The following DLGAP2 variants were observed in gnomAD, a reference collection of about 807,000 sequenced individuals.
The protein encoded by DLGAP2 is DLG associated protein 2, also known as disks large-associated protein 2.
A neutral mutation model predicts 100.3 loss-of-function variants in DLGAP2; 26 were observed. The observed-to-expected ratio is 0.26, with a 90% CI of 0.19 to 0.36. The LOEUF is 0.36. Among genes scored for constraint, DLGAP2 ranks in the 10% least tolerant of loss-of-function variants. The pLI is 1.00. For synonymous variants in DLGAP2, 886 were observed against 630.1 expected (o/e 1.41, Z -6.08); for missense variants, 1,858 against 1,453.2 (o/e 1.28, Z -4.53).
At position 1,507,910 on chromosome 8, in the gene DLGAP2, C is replaced by T. The variant is rs184662714; in HGVS notation, c.172+6479C>T. 2.2e-3 allele frequency among the ~76,000 whole-genome samples: 320 copies of T among 148,486 alleles called. 1 individual carries two copies. The highest frequency in any genetic ancestry group is 7.9e-3 in the African/African-American group (303 of 38,170). On this transcript the variant is annotated intron_variant, in intron 4 of 14. Transcript: ENST00000637795. ...ACCTTCCTGCACTGCCCAATGGGAG[C>T]ATCGTGACCACACATTTTAGGAGAA...
At chr8:1,334,730 G>T (rs1465328311) in intron 3 of DLGAP2, among the ~76,000 whole-genome samples, 5 of 152,014 alleles carry the variant, frequency 3.3e-5, no homozygotes, top group African/African-American at 1.2e-4. Flanking sequence ...GCCTTCTGTA[G>T]CACCACATGG....
intron 4 of DLGAP2, among the ~76,000 whole-genome samples, chr8:1,503,429 C>T (rs560529318): frequency 1.3e-5 from 2 of 152,094 alleles, no homozygotes; most frequent in African/African-American, 4.8e-5. Context: ...CTTCTTGTTA[C>T]TGCATGTATC....
intron 1 of DLGAP2, among the ~76,000 whole-genome samples, chr8:777,044 T>G (rs2132617413): frequency 6.6e-6 from 1 of 152,122 alleles, no homozygotes; most frequent in Admixed American, 6.5e-5. Context: ...CTGTATTGGG[T>G]GCATATATAT....
chr8:1,233,978 C>A (rs530185061), intron 2 of DLGAP2, among the ~76,000 whole-genome samples: 29 of 152,108 alleles, frequency 1.9e-4, no homozygotes, highest in Non-Finnish European at 4.3e-4. Context: ...GGTCAATAGG[C>A]CTGCACTGGG....
At chr8:1,048,913 A>G (rs1400716794) in intron 2 of DLGAP2, among the ~76,000 whole-genome samples, 1 of 152,200 alleles carries the variant, frequency 6.6e-6, no homozygotes, top group African/African-American at 2.4e-5. Context: ...TATATTTAAA[A>G]CTGCATGAAC....
rs532605782 is a variant in DLGAP2, at chr8:858,617, C to G, written c.19-49295C>G. Among the ~76,000 whole-genome samples the G allele has an allele frequency of 5.4e-5, 8 of 148,928 alleles. No individual in the cohort carries two copies. In the South Asian group the frequency reaches 1.5e-3, roughly 28 times the overall value. ...TGTCACCGTGGGCACGTGTGTGATG[C>G]TGTCACCGTGGGCACGTGTGTGATG... is the stretch of plus-strand genomic sequence containing the variant. On this transcript the variant is annotated intron_variant, in intron 1 of 14. Transcript: ENST00000637795.
In DLGAP2 at chr8:1,254,051, G is replaced by A. The variant is rs537655916; in HGVS notation, c.74-4800G>A. ...GATCCATGTCTGAGTGAGCCGCCTCGTGAGGCTTCCAGTCCCTCCTGGGGG... is the reference window on the plus strand; with the variant it reads ...GATCCATGTCTGAGTGAGCCGCCTCATGAGGCTTCCAGTCCCTCCTGGGGG... On this transcript the variant is annotated intron_variant, in intron 2 of 14. Transcript: ENST00000637795. Among the ~76,000 whole-genome samples, 109 of 152,322 alleles carry A rather than the reference G, an allele frequency of 7.2e-4. No individual in the cohort carries two copies. In the Middle Eastern group the frequency reaches 0.01, roughly 14 times the overall value.
intron 2 of DLGAP2, among the ~76,000 whole-genome samples, chr8:1,011,142 C>T (rs750227439): frequency 1.3e-5 from 2 of 150,498 alleles, no homozygotes; most frequent in Non-Finnish European, 2.9e-5. Flanking sequence ...TCAGTCTACA[C>T]AGTGAGCTCT....
chr8:1,223,498 A>G (rs989379815), intron 2 of DLGAP2, among the ~76,000 whole-genome samples: 9 of 152,248 alleles, frequency 5.9e-5, no homozygotes, highest in African/African-American at 2.2e-4. Flanking sequence ...TAAAAGTTTA[A>G]AATATTAAAG....
At chr8:1,048,856 C>A (rs1802591712) in intron 2 of DLGAP2, among the ~76,000 whole-genome samples, 1 of 152,026 alleles carries the variant, frequency 6.6e-6, no homozygotes, top group African/African-American at 2.4e-5. Context: ...TACACTCTGA[C>A]TTTAAAATTC....
At chr8:1,603,964 C>G (rs1013716020) in intron 6 of DLGAP2, among the ~76,000 whole-genome samples, 3 of 152,114 alleles carry the variant, frequency 2.0e-5, no homozygotes, top group Admixed American at 1.3e-4. Flanking sequence ...ACCCCCACCT[C>G]CCCACATACC....
intron 1 of DLGAP2, among the ~76,000 whole-genome samples, chr8:868,838 C>A (rs978641203): frequency 6.6e-6 from 1 of 152,172 alleles, no homozygotes; most frequent in Admixed American, 6.5e-5. Context: ...GCAGGCTGGA[C>A]GCGTCAGGCA....
At chr8:1,032,048 C>T (rs995538942) in intron 2 of DLGAP2, among the ~76,000 whole-genome samples, 9 of 152,182 alleles carry the variant, frequency 5.9e-5, no homozygotes, top group African/African-American at 1.7e-4. Context: ...ATCTTCCATC[C>T]GGCTTATGAT....
intron 14 of DLGAP2, among the ~76,000 whole-genome samples, chr8:1,698,798 C>A (rs191127708): frequency 6.6e-6 from 1 of 151,626 alleles, no homozygotes; most frequent in East Asian, 2.0e-4. Flanking sequence ...GTAAGCCATG[C>A]ATGGGACTAG....
intron 2 of DLGAP2, among the ~76,000 whole-genome samples, chr8:1,176,853 C>T (rs976060402): frequency 6.6e-6 from 1 of 152,120 alleles, no homozygotes; most frequent in Non-Finnish European, 1.5e-5. Context: ...TCCACCCTCT[C>T]ATGGAGTAGC....
intron 2 of DLGAP2, among the ~76,000 whole-genome samples, chr8:908,646 G>C (rs1048610248): frequency 6.6e-6 from 1 of 152,188 alleles, no homozygotes; most frequent in African/African-American, 2.4e-5. Flanking sequence ...TTATCCTGTG[G>C]ATATGGATCT....
chr8:1,379,276 C>G (rs774798396), intron 3 of DLGAP2, among the ~76,000 whole-genome samples: 5 of 152,370 alleles, frequency 3.3e-5, no homozygotes, highest in East Asian at 1.9e-4. Context: ...GGCCCGAGGG[C>G]CACATCTTCG....
chr8:1,171,686 T>A (rs1295366382), intron 2 of DLGAP2, among the ~76,000 whole-genome samples: 1 of 152,180 alleles, frequency 6.6e-6, no homozygotes, highest in African/African-American at 2.4e-5. Context: ...ATCTGTTTTA[T>A]CAGAGACTAG....
At chr8:844,716 A>G (rs1487070149) in intron 1 of DLGAP2, among the ~76,000 whole-genome samples, 1 of 152,216 alleles carries the variant, frequency 6.6e-6, no homozygotes, top group Non-Finnish European at 1.5e-5. Context: ...ATCTTTTATT[A>G]ACAAATTTAC....
Sources: gnomAD v4.1 joint callset for allele counts (sites outside exome capture counted in the v4.1 genomes callset) on GRCh38, gnomAD v4.1.1 for gene constraint, MANE v1.5 for transcripts, NCBI Gene and HGNC (gene_info 2026-07-23, HGNC 2026-07-21) for gene names.